CNGB3: variants seen among roughly 807,000 people sequenced by gnomAD.
The protein encoded by CNGB3 is cyclic nucleotide gated channel subunit beta 3, also known as cyclic nucleotide-gated channel beta-3.
In CNGB3, 86 loss-of-function variants were observed where a neutral mutation model predicts 92.8. The ratio of observed to expected loss-of-function variants is 0.93; its 90% CI spans 0.78 to 1.11. The LOEUF is 1.11. CNGB3 is among the 50% of genes least tolerant of loss of function. The pLI is 0.00. For missense variants in CNGB3, 1,026 were observed against 956.8 expected, an observed-to-expected ratio of 1.07 and a Z score of -0.95; for synonymous variants, 333 against 332.7, an observed-to-expected ratio of 1.00 and a Z score of -0.01.
intron 14 of CNGB3, among the ~76,000 whole-genome samples, chr8:86,607,512 G>A (rs1036755391): frequency 1.3e-5 from 2 of 152,170 alleles, no homozygotes; most frequent in African/African-American, 2.4e-5. Flanking sequence ...CAACAGAAAA[G>A]AGCAGTGCTA....
chr8:86,690,959 T>C (rs1052645460), intron 3 of CNGB3, among the ~76,000 whole-genome samples: 10 of 152,250 alleles, frequency 6.6e-5, no homozygotes, highest in Admixed American at 6.5e-4. Context: ...TTGGTTACTG[T>C]AGCCTTGTAG....
intron 14 of CNGB3, among the ~76,000 whole-genome samples, chr8:86,606,404 G>A (rs1292457883): frequency 6.6e-6 from 1 of 151,882 alleles, no homozygotes; most frequent in African/African-American, 2.4e-5. Flanking sequence ...TGCCACCTTG[G>A]CCTCCCAAAG....
chr8:86,658,922 C>G, intron 6 of CNGB3: 2 of 990,020 alleles, frequency 2.0e-6, no homozygotes, highest in Admixed American at 1.8e-5. Context: ...GCTCCAGCAG[C>G]CTCTCCTCCT....
chr8:86,736,428 T>C (rs1009129951), intron 2 of CNGB3, among the ~76,000 whole-genome samples: 1 of 152,122 alleles, frequency 6.6e-6, no homozygotes, highest in African/African-American at 2.4e-5. Flanking sequence ...CTATGAAAAA[T>C]TTAAGCTTAC....
At chr8:86,671,187 T>C in intron 3 of CNGB3, 89 bp from the exon 4 acceptor site, 1 of 1,437,904 alleles carries the variant, frequency 7.0e-7, no homozygotes, top group Non-Finnish European at 9.7e-7. Flanking sequence ...TCCTTATATA[T>C]TCAAGATTAT....
intron 3 of CNGB3, among the ~76,000 whole-genome samples, chr8:86,708,588 GTCAGGGTCTCACTCTGTCAC>G (rs1824693194): frequency 1.1e-5 from 1 of 89,136 alleles, no homozygotes; most frequent in Non-Finnish European, 2.1e-5. Context: ...TTTTTTTTGA[GTCAGGGTCTCACTCTGTCAC>G]TCAGGCTGGA....
chr8:86,658,703 G>A (rs907841615), intron 6 of CNGB3: 7 of 421,912 alleles, frequency 1.7e-5, no homozygotes, highest in African/African-American at 1.2e-4. Context: ...GCTCTTTCTT[G>A]ATGTGCTGCT....
chr8:86,713,719 T>G (rs1196529997), intron 3 of CNGB3, among the ~76,000 whole-genome samples: 2 of 152,194 alleles, frequency 1.3e-5, no homozygotes, highest in Non-Finnish European at 2.9e-5. Flanking sequence ...AAAATTCTGT[T>G]TTAATCTCAT....
chr8:86,592,893 G>A (rs1822077913), intron 15 of CNGB3, among the ~76,000 whole-genome samples: 1 of 152,126 alleles, frequency 6.6e-6, no homozygotes, highest in African/African-American at 2.4e-5. Context: ...AACATTATTA[G>A]GAAACACTTT....
rs1394749097 is a variant in CNGB3 at position 86,708,542 on chromosome 8, T to A, written c.338+17989A>T. On this transcript the variant is annotated intron_variant, in intron 3 of 17. Transcript: ENST00000320005. ...TAAAAGCTTTTTTTCTTTACTTTCT[T>A]TCTTTTCTTTTCTTTTCTTAATTTT... Among the ~76,000 whole-genome samples, 4 of 145,194 alleles carry A rather than the reference T, an allele frequency of 2.8e-5. No homozygotes were observed. In the East Asian group the frequency reaches 8.3e-4, roughly 30 times the overall value.
intron 3 of CNGB3, among the ~76,000 whole-genome samples, chr8:86,672,057 G>C (rs1183406663): frequency 6.6e-6 from 1 of 152,120 alleles, no homozygotes; most frequent in African/African-American, 2.4e-5. Context: ...TGTGGCAATA[G>C]AAAAATAATG....
chr8:86,739,682 A>G lies in CNGB3; in HGVS notation c.184T>C (p.Ser62Pro). ...SLKTKSTPVT[S>P]EEPHTNIQDK... Reference sequence around the variant, plus strand: ...TGTATGTTGGTGTGTGGCTCTTCAGACGTGACTGGAGTTGACTTGGTTTTG... The same window carrying G: ...TGTATGTTGGTGTGTGGCTCTTCAGGCGTGACTGGAGTTGACTTGGTTTTG... Residue 62 changes from serine to proline, a missense_variant, in exon 2 of 18, where the codon TCT becomes CCT. Ser to Pro is a moderately conservative substitution (Grantham distance 74). Coordinates refer to ENST00000320005, the MANE Select transcript of CNGB3 (RefSeq NM_019098.5). 6.2e-7 allele frequency: 1 copy of G among 1,609,784 alleles called. No individual in the cohort carries two copies. The highest frequency in any genetic ancestry group is 1.7e-4 in the Middle Eastern group (1 of 6,040).
At chr8:86,641,053 A>C (rs185363386) in intron 10 of CNGB3, among the ~76,000 whole-genome samples, 75 of 152,100 alleles carry the variant, frequency 4.9e-4, no homozygotes, top group African/African-American at 1.6e-3. Context: ...AACTGGCCCA[A>C]ATCCACCACA....
At chr8:86,662,658 T>C (rs141599130) in intron 6 of CNGB3, among the ~76,000 whole-genome samples, 1 of 152,328 alleles carries the variant, frequency 6.6e-6, no homozygotes, top group Non-Finnish European at 1.5e-5. Flanking sequence ...GAAAGTTTGC[T>C]ACATTTGCAG....
chr8:86,636,239 A>C (rs1187062805), intron 10 of CNGB3, among the ~76,000 whole-genome samples: 1 of 151,944 alleles, frequency 6.6e-6, no homozygotes, highest in African/African-American at 2.4e-5. Context: ...GGAGTTCAGT[A>C]TTTGTTTAGA....
At chr8:86,663,441 G>GA (rs1326372027) in intron 6 of CNGB3, among the ~76,000 whole-genome samples, 3 of 152,194 alleles carry the variant, frequency 2.0e-5, no homozygotes, top group African/African-American at 7.2e-5. Context: ...TAAATGCTGT[G>GA]AAAAACTTGT....
intron 7 of CNGB3, among the ~76,000 whole-genome samples, chr8:86,652,357 A>G (rs933176179): frequency 6.6e-6 from 1 of 151,960 alleles, no homozygotes; most frequent in South Asian, 2.1e-4. Flanking sequence ...TAGACTTTAT[A>G]AACACTGTAG....
chr8:86,659,633 G>T lies in CNGB3; in HGVS notation c.853-5571C>A, dbSNP rs1181780228. On this transcript the variant is annotated intron_variant, in intron 6 of 17. Transcript: ENST00000320005. ...CTCTCCCACACGCGCCAGGAATACT[G>T]CAGGCAGCTGGCCAGATCCTTTGAC... 12 of 513,596 alleles carry T rather than the reference G, an allele frequency of 2.3e-5. 1 individual carries two copies. The highest frequency in any genetic ancestry group is 1.8e-4 in the South Asian group (11 of 61,890). The allele number at this position is 513,596 out of a possible 1,614,324, so 31.8% of individuals were successfully genotyped here.
rs542139201 is a variant in CNGB3 at position 86,658,398 on chromosome 8, T to C, written c.853-4336A>G. 1.2e-5 allele frequency: 5 copies of C among 430,138 alleles called. No individual in the cohort carries two copies. In the Admixed American group the frequency reaches 1.2e-4, roughly 10 times the overall value. The allele number at this position is 430,138 out of a possible 1,614,324, so 26.6% of individuals were successfully genotyped here. On this transcript the variant is annotated intron_variant, in intron 6 of 17. Coordinates refer to ENST00000320005, the MANE Select transcript of CNGB3 (RefSeq NM_019098.5). ...GAGAGCCATGAGGGTCAGCTGGGCC[T>C]GTGGCTGCTACTTCTGCTGGCTGGT...
Sources: gnomAD v4.1 joint callset for allele counts (sites outside exome capture counted in the v4.1 genomes callset) on GRCh38, gnomAD v4.1.1 for gene constraint, MANE v1.5 for transcripts, NCBI Gene and HGNC (gene_info 2026-07-23, HGNC 2026-07-21) for gene names.